The following EYS variants were observed in gnomAD, a reference collection of about 807,000 sequenced individuals.
EYS encodes the protein EGF-like photoreceptor maintenance factor, also known as protein eyes shut homolog.
A neutral mutation model predicts 282.1 loss-of-function variants in EYS; 250 were observed. The observed-to-expected ratio is 0.89, with a 90% CI of 0.80 to 0.98. The LOEUF is 0.98. EYS is among the 50% of genes least tolerant of loss of function. EYS has a pLI of 0.00. For missense variants in EYS, 4,016 were observed against 3,709.0 expected (o/e 1.08, Z -2.15); for synonymous variants, 1,355 against 1,282.9 (o/e 1.06, Z -1.20).
At chr6:63,880,561 A>G (rs1384324) in intron 35 of EYS, among the ~76,000 whole-genome samples, 55,299 of 150,904 alleles carry the variant, frequency 0.37, 10,507 homozygotes, top group South Asian at 0.47. Context: ...TGACTAATTC[A>G]GGCTTGGACC....
chr6:64,291,562 G>T (rs947339299), intron 30 of EYS, among the ~76,000 whole-genome samples: 12 of 152,060 alleles, frequency 7.9e-5, no homozygotes, highest in African/African-American at 2.9e-4. Flanking sequence ...GACAGGAATA[G>T]AACATTGGAA....
chr6:64,780,038 A>G (rs1057401924), intron 22 of EYS, among the ~76,000 whole-genome samples: 2 of 152,222 alleles, frequency 1.3e-5, no homozygotes, highest in Non-Finnish European at 2.9e-5. Flanking sequence ...CTCAAGAATG[A>G]ACACAATCCA....
At chr6:65,704,645 G>C (rs555605412) in intron 1 of EYS, among the ~76,000 whole-genome samples, 8 of 152,222 alleles carry the variant, frequency 5.3e-5, no homozygotes, top group African/African-American at 1.9e-4. Flanking sequence ...TTCCCAAATA[G>C]ATAAAATATA....
chr6:63,778,172 A>G lies in EYS; in HGVS notation c.7732T>C (p.Phe2578Leu). 1 of 1,551,890 alleles carries G rather than the reference A, an allele frequency of 6.4e-7. No homozygotes were observed. The highest frequency in any genetic ancestry group is 8.7e-7 in the Non-Finnish European group (1 of 1,146,958). Residue 2578 changes from phenylalanine to leucine, a missense_variant, in exon 40 of 43, where the codon TTC (phenylalanine) becomes CTC (leucine). Transcript: ENST00000503581. Reference sequence around the variant, plus strand: ...TTCTCAGTGCGAACTTGAAGAGTGAAAATACAGCCTTGAAGAAATGCAAAA... The same window carrying G: ...TTCTCAGTGCGAACTTGAAGAGTGAGAATACAGCCTTGAAGAAATGCAAAA... Reference protein sequence around the residue: ...DFKNGFQGCIFTLQVRTEKDG... With the variant: ...DFKNGFQGCILTLQVRTEKDG...
At chr6:64,314,839 C>T (rs1769876134) in intron 29 of EYS, among the ~76,000 whole-genome samples, 1 of 152,086 alleles carries the variant, frequency 6.6e-6, no homozygotes, top group Non-Finnish European at 1.5e-5. Flanking sequence ...CTAAAATTGA[C>T]AGCCTAATAT....
rs576607434 is a variant in EYS at position 65,101,378 on chromosome 6, T to C, written c.2024-43651A>G. On this transcript the variant is annotated intron_variant, in intron 12 of 42. Transcript: ENST00000503581. ...ATAGATGAAAGAGCAAATTAACTTT[T>C]AGAAAAAGTATTTAAAAATAAAGTG... 7.9e-5 allele frequency among the ~76,000 whole-genome samples: 12 copies of C among 151,454 alleles called. No individual in the cohort carries two copies. In the East Asian group the frequency reaches 1.7e-3, roughly 22 times the overall value.
intron 29 of EYS, among the ~76,000 whole-genome samples, chr6:64,325,020 A>G (rs555546421): frequency 4.6e-4 from 70 of 152,272 alleles, no homozygotes; most frequent in African/African-American, 1.6e-3. Context: ...AATTAATATC[A>G]CTGAAATTGC....
intron 19 of EYS, among the ~76,000 whole-genome samples, chr6:64,871,315 G>T (rs1766589133): frequency 6.8e-6 from 1 of 146,504 alleles, no homozygotes; most frequent in Non-Finnish European, 1.5e-5. Flanking sequence ...TTTTCTCACA[G>T]TTGCTTCTCA....
At chr6:64,674,992 T>A (rs1469723069) in intron 22 of EYS, among the ~76,000 whole-genome samples, 3 of 152,178 alleles carry the variant, frequency 2.0e-5, no homozygotes, top group Non-Finnish European at 4.4e-5. Context: ...GACATCATGC[T>A]GAAATTGTCA....
chr6:65,360,899 G>T (rs1764678690), intron 8 of EYS, among the ~76,000 whole-genome samples: 1 of 151,974 alleles, frequency 6.6e-6, no homozygotes. Context: ...GTTTCATTCT[G>T]GATGAAGGCA....
chr6:64,790,601 A>C (rs751867254), intron 22 of EYS, among the ~76,000 whole-genome samples: 8 of 151,976 alleles, frequency 5.3e-5, no homozygotes, highest in Non-Finnish European at 1.2e-4. Context: ...ACAAAGACAA[A>C]TTGCAATAGA....
intron 31 of EYS, among the ~76,000 whole-genome samples, chr6:64,227,955 AT>A (rs1227084801): frequency 3.3e-5 from 5 of 152,248 alleles, no homozygotes; most frequent in African/African-American, 1.2e-4. Context: ...AATTGAAACA[AT>A]TTGAAAATGG....
intron 22 of EYS, among the ~76,000 whole-genome samples, chr6:64,732,792 C>T (rs1307904377): frequency 6.6e-6 from 1 of 152,190 alleles, no homozygotes; most frequent in Non-Finnish European, 1.5e-5. Flanking sequence ...CCCTACTTAA[C>T]TCCAACTGAT....
At chr6:64,703,428 TA>T (rs1303360653) in intron 22 of EYS, among the ~76,000 whole-genome samples, 2,104 of 58,804 alleles carry the variant, frequency 0.036, 95 homozygotes, top group East Asian at 0.096. Context: ...TATATATATA[TA>T]TTTTTTTTTT....
intron 14 of EYS, among the ~76,000 whole-genome samples, chr6:64,953,253 G>C (rs1246116501): frequency 1.3e-5 from 2 of 151,394 alleles, no homozygotes; most frequent in Admixed American, 1.3e-4. Flanking sequence ...CTTTCTATTA[G>C]ATTACTGAAA....
chr6:64,728,007 C>T (rs147913288), intron 22 of EYS, among the ~76,000 whole-genome samples: 2 of 152,294 alleles, frequency 1.3e-5, no homozygotes, highest in Non-Finnish European at 2.9e-5. Flanking sequence ...AACTGGAATG[C>T]ATGGGCACTG....
intron 29 of EYS, among the ~76,000 whole-genome samples, chr6:64,319,085 ATT>A (rs997997898): frequency 1.1e-4 from 16 of 151,686 alleles, no homozygotes; most frequent in Middle Eastern, 3.4e-3. Context: ...TTCTCTTTAT[ATT>A]GTTATTGCCA....
chr6:64,914,435 A>T (rs182119340), intron 15 of EYS, among the ~76,000 whole-genome samples: 1 of 152,104 alleles, frequency 6.6e-6, no homozygotes, highest in Admixed American at 6.6e-5. Context: ...GAAAAAAGTC[A>T]TAGTGCTGAA....
At chr6:64,585,629 A>G (rs1365347136) in intron 26 of EYS, among the ~76,000 whole-genome samples, 6 of 152,048 alleles carry the variant, frequency 3.9e-5, no homozygotes, top group African/African-American at 1.2e-4. Context: ...TGGACTCACA[A>G]TCACCCCTTG....
Sources: allele counts gnomAD v4.1 joint callset (sites outside exome capture counted in the v4.1 genomes callset), GRCh38; gene constraint gnomAD v4.1.1; transcripts MANE v1.5; gene names NCBI Gene and HGNC (gene_info 2026-07-23, HGNC 2026-07-21).